EBF2: variants seen among roughly 807,000 people sequenced by gnomAD.
EBF2 encodes the protein transcription factor COE2.
A neutral mutation model predicts 72.8 loss-of-function variants in EBF2; 21 were observed. The ratio of observed to expected loss-of-function variants is 0.29; its 90% CI spans 0.20 to 0.42. EBF2 has a LOEUF of 0.42. Among genes scored for constraint, EBF2 ranks in the 10% least tolerant of loss-of-function variants. The probability of loss-of-function intolerance (pLI) is 1.00; values close to 1 mark genes in which losing one functional copy is unlikely to be tolerated. For missense variants in EBF2, 637 were observed against 731.2 expected, an observed-to-expected ratio of 0.87 and a Z score of 1.49; for synonymous variants, 299 against 274.2, an observed-to-expected ratio of 1.09 and a Z score of -0.89.
At chr8:25,976,798 T>C (rs778254048) in intron 6 of EBF2, among the ~76,000 whole-genome samples, 1 of 152,018 alleles carries the variant, frequency 6.6e-6, no homozygotes, top group Non-Finnish European at 1.5e-5. Flanking sequence ...AAACATGGAC[T>C]CTTAAGCCTC....
At chr8:25,999,581 T>C (rs962013852) in intron 6 of EBF2, among the ~76,000 whole-genome samples, 5 of 152,064 alleles carry the variant, frequency 3.3e-5, no homozygotes, top group African/African-American at 7.2e-5. Flanking sequence ...TCCTTCTGCA[T>C]TTCCCTACAT....
At chr8:25,909,990 C>G (rs1424480687) in intron 6 of EBF2, among the ~76,000 whole-genome samples, 1 of 152,112 alleles carries the variant, frequency 6.6e-6, no homozygotes, top group East Asian at 1.9e-4. Context: ...GGAGGTTGGG[C>G]TTTGCTTCCT....
chr8:25,889,621 T>TAA (rs60127546), intron 8 of EBF2, 131 bp downstream of exon 8: 657 of 570,126 alleles, frequency 1.2e-3, no homozygotes, highest in Admixed American at 3.4e-3. Context: ...CAACTTCGTT[T>TAA]AAAAAAAAAA....
intron 6 of EBF2, among the ~76,000 whole-genome samples, chr8:26,016,148 G>T (rs1805107302): frequency 6.6e-6 from 1 of 152,192 alleles, no homozygotes; most frequent in Non-Finnish European, 1.5e-5. Flanking sequence ...GGAGAAGGAG[G>T]TAACACAGTC....
At chr8:25,991,482 C>A (rs1419581382) in intron 6 of EBF2, among the ~76,000 whole-genome samples, 1 of 152,176 alleles carries the variant, frequency 6.6e-6, no homozygotes. Context: ...AAATTATCAC[C>A]TCCATTTTAC....
intron 7 of EBF2, among the ~76,000 whole-genome samples, chr8:25,900,925 G>T (rs1023862949): frequency 9.2e-5 from 14 of 152,098 alleles, no homozygotes; most frequent in Admixed American, 9.2e-4. Context: ...GGTGACTACA[G>T]TTAACAACCA....
At chr8:25,850,861 T>C in intron 14 of EBF2, 100 bp from the exon 15 acceptor site, 7 of 1,354,664 alleles carry the variant, frequency 5.2e-6, no homozygotes, top group South Asian at 1.5e-5. Flanking sequence ...TTCCATGCAT[T>C]GTTCCAGATT....
At chr8:25,963,357 C>T (rs986651143) in intron 6 of EBF2, among the ~76,000 whole-genome samples, 8 of 152,194 alleles carry the variant, frequency 5.3e-5, no homozygotes, top group African/African-American at 1.4e-4. Context: ...CTTCTTTAAT[C>T]CCTAAAGAAT....
chr8:25,844,386 A>G lies in EBF2; in HGVS notation c.*223T>C, dbSNP rs1009050784. ...TCTGCTCTTAGCACTGACTACGTCA[A>G]TGACATCTTTTGTCCTTGTCCCAAG... On this transcript the variant is annotated 3_prime_UTR_variant, in exon 16 of 16. Coordinates refer to ENST00000520164, the MANE Select transcript of EBF2 (RefSeq NM_022659.4). The G allele has an allele frequency of 3.8e-6, 2 of 528,516 alleles. No homozygotes were observed. Among genetic ancestry groups the G allele is most frequent in the East Asian group, 3.0e-5 (1 of 33,564 alleles). The allele number at this position is 528,516 out of a possible 1,614,324, so 32.7% of individuals were successfully genotyped here.
At chr8:25,996,019 TA>T (rs1428128118) in intron 6 of EBF2, among the ~76,000 whole-genome samples, 4 of 152,086 alleles carry the variant, frequency 2.6e-5, no homozygotes, top group African/African-American at 9.7e-5. Context: ...TAGGGCCAGG[TA>T]CAATGGATCA....
At chr8:25,912,053 C>T (rs1257025783) in intron 6 of EBF2, among the ~76,000 whole-genome samples, 3 of 152,080 alleles carry the variant, frequency 2.0e-5, no homozygotes, top group Non-Finnish European at 2.9e-5. Flanking sequence ...CAATCCTGCA[C>T]GGTCCAGCAG....
chr8:25,977,624 T>A (rs1804291358), intron 6 of EBF2, among the ~76,000 whole-genome samples: 1 of 152,166 alleles, frequency 6.6e-6, no homozygotes. Flanking sequence ...TCAAACAAGC[T>A]AGTTATGCCT....
chr8:25,889,305 C>T (rs1283084287), intron 8 of EBF2, among the ~76,000 whole-genome samples: 1 of 152,154 alleles, frequency 6.6e-6, no homozygotes, highest in Non-Finnish European at 1.5e-5. Context: ...TGGAAAACTA[C>T]CCAGAACAGA....
intron 6 of EBF2, among the ~76,000 whole-genome samples, chr8:25,963,091 G>A (rs185965688): frequency 2.0e-5 from 3 of 152,306 alleles, no homozygotes; most frequent in East Asian, 3.9e-4. Context: ...TTGAACTTGT[G>A]TATCCCGTTC....
intron 7 of EBF2, 38 bp from the exon 8 acceptor site, chr8:25,889,907 T>C: frequency 6.4e-7 from 1 of 1,565,614 alleles, no homozygotes; most frequent in Non-Finnish European, 8.8e-7. Context: ...GGGGGTGCAG[T>C]GGAATTAGTT....
intron 6 of EBF2, among the ~76,000 whole-genome samples, chr8:25,964,410 G>A (rs1804082451): frequency 6.6e-6 from 1 of 152,146 alleles, no homozygotes; most frequent in East Asian, 1.9e-4. Context: ...AATGACCACA[G>A]ATGTGAAAAC....
chr8:26,033,177 A>T, intron 5 of EBF2, 24 bp from the exon 6 acceptor site: 1 of 1,611,034 alleles, frequency 6.2e-7, no homozygotes, highest in Non-Finnish European at 8.5e-7. Context: ...AGGAACCAAG[A>T]GTGAAAGAAA....
chr8:25,929,172 C>T (rs1187090638), intron 6 of EBF2, among the ~76,000 whole-genome samples: 2 of 152,196 alleles, frequency 1.3e-5, no homozygotes, highest in African/African-American at 4.8e-5. Flanking sequence ...ATACTCACGA[C>T]AGTCCTGTGA....
At chr8:25,964,347 C>T (rs1324199408) in intron 6 of EBF2, among the ~76,000 whole-genome samples, 2 of 151,980 alleles carry the variant, frequency 1.3e-5, no homozygotes, top group African/African-American at 4.8e-5. Flanking sequence ...TCCAAGTATA[C>T]GTTTAGGATT....
Sources: gnomAD v4.1 joint callset for allele counts (sites outside exome capture counted in the v4.1 genomes callset) on GRCh38, gnomAD v4.1.1 for gene constraint, MANE v1.5 for transcripts, NCBI Gene and HGNC (gene_info 2026-07-23, HGNC 2026-07-21) for gene names.